Variants in RASSF5 observed in about 807,000 individuals in gnomAD.
The protein encoded by RASSF5 is ras association domain-containing protein 5.
In RASSF5, 25 loss-of-function variants were observed where a neutral mutation model predicts 40.5. The ratio of observed to expected loss-of-function variants is 0.62; its 90% confidence interval spans 0.45 to 0.86. The LOEUF is 0.86. Among genes scored for constraint, RASSF5 ranks in the 40% least tolerant of loss-of-function variants. RASSF5 has a pLI of 0.00. For synonymous variants in RASSF5, 246 were observed against 252.4 expected (o/e 0.97, Z 0.24); for missense variants, 521 against 572.8 (o/e 0.91, Z 0.92).
chr1:206,528,667 G>T (rs1428102722), intron 1 of RASSF5, among the ~76,000 whole-genome samples: 6 of 152,046 alleles, frequency 3.9e-5, no homozygotes, highest in African/African-American at 9.7e-5. Context: ...TAGGGGCAGG[G>T]GGTATAAAGG....
intron 1 of RASSF5, among the ~76,000 whole-genome samples, chr1:206,516,952 C>T (rs958355623): frequency 1.7e-4 from 26 of 152,106 alleles, no homozygotes; most frequent in Non-Finnish European, 2.4e-4. Flanking sequence ...ATTTCAGGAC[C>T]CGGACTTGCT....
At chr1:206,548,360 G>T (rs1009399092) in intron 2 of RASSF5, among the ~76,000 whole-genome samples, 5 of 152,162 alleles carry the variant, frequency 3.3e-5, no homozygotes, top group Non-Finnish European at 7.4e-5. Context: ...GGGAGAGCAG[G>T]CATGTCACAT....
chr1:206,577,031 G>C (rs1007448528), intron 2 of RASSF5, among the ~76,000 whole-genome samples: 3 of 149,900 alleles, frequency 2.0e-5, no homozygotes, highest in Non-Finnish European at 3.0e-5. Flanking sequence ...GACTGGTCTC[G>C]AACTCCTGGG....
At chr1:206,516,063 A>AT (rs1165850236) in intron 1 of RASSF5, among the ~76,000 whole-genome samples, 3 of 152,178 alleles carry the variant, frequency 2.0e-5, no homozygotes, top group Non-Finnish European at 2.9e-5. Context: ...TAGGGTGATA[A>AT]TATATTGTAC....
In RASSF5 at chr1:206,562,082, C is replaced by A. The variant is rs781251549; in HGVS notation, c.580-21187C>A. Among the ~76,000 whole-genome samples, 40 of 152,288 alleles carry A rather than the reference C, an allele frequency of 2.6e-4. 1 individual carries two copies. In the South Asian group the frequency reaches 3.1e-3, roughly 12 times the overall value. ...GAATTCTTTTTCTTCAAGGAAGATG[C>A]AAGAGGAAGAGGGTCCTGGAGGTCA... On this transcript the variant is annotated intron_variant, in intron 2 of 5. Coordinates refer to ENST00000579436, the MANE Select transcript of RASSF5 (RefSeq NM_182663.4).
rs781797923 is a variant in RASSF5, at chr1:206,585,176, G to T, written c.989-4G>T. On this transcript the variant is annotated splice_polypyrimidine_tract_variant and splice_region_variant and intron_variant, in intron 4 of 5. Transcript: ENST00000579436. ...AGCTCCCAGCACCCTCTCTTGGTTT[G>T]CAGTGCTCTTCCAGAAACTCTCCAT... 2.5e-6 allele frequency: 4 copies of T among 1,610,978 alleles called. No homozygotes were observed. In the Admixed American group the frequency reaches 6.7e-5, roughly 27 times the overall value.
chr1:206,508,103 C>G, intron 1 of RASSF5, 44 bp downstream of exon 1: 1 of 1,313,190 alleles, frequency 7.6e-7, no homozygotes, highest in Non-Finnish European at 9.8e-7. Context: ...AGACCGCAGT[C>G]TGGGGGCGAA....
rs1553398599 is a variant in RASSF5 at position 206,535,788 on chromosome 1, G to A, written c.458-2384G>A. On this transcript the variant is annotated intron_variant, in intron 1 of 5. Coordinates refer to ENST00000579436, the MANE Select transcript of RASSF5 (RefSeq NM_182663.4). This position sits in a 1 kb window ranked among gnomAD's most constrained non-coding sequence, Gnocchi z 5.0. ...GGAAATTGAGAGATTCAGATGCACA[G>A]GTGGACATAGACTGCCTGTGCCAAC... is the stretch of plus-strand genomic sequence containing the variant. 1.3e-5 allele frequency among the ~76,000 whole-genome samples: 2 copies of A among 151,772 alleles called. No individual in the cohort carries two copies.
intron 2 of RASSF5, among the ~76,000 whole-genome samples, chr1:206,548,917 G>A (rs1026611256): frequency 3.9e-5 from 6 of 152,084 alleles, no homozygotes; most frequent in African/African-American, 1.4e-4. Context: ...CCGGGCTGGA[G>A]TGCAATGGCG....
intron 2 of RASSF5, among the ~76,000 whole-genome samples, chr1:206,562,440 A>G (rs1464592084): frequency 1.3e-5 from 2 of 152,246 alleles, no homozygotes; most frequent in African/African-American, 4.8e-5. Flanking sequence ...TCAAAGGCTT[A>G]CATGGCCCAA....
At chr1:206,541,921 A>G (rs1295388918) in intron 2 of RASSF5, 4 of 152,242 alleles carry the variant, frequency 2.6e-5, no homozygotes, top group Non-Finnish European at 5.9e-5. Flanking sequence ...GCTGGCCCCA[A>G]GAGAAGAAGT....
intron 2 of RASSF5, among the ~76,000 whole-genome samples, chr1:206,566,461 T>G (rs1668291732): frequency 6.6e-6 from 1 of 152,148 alleles, no homozygotes; most frequent in African/African-American, 2.4e-5. Flanking sequence ...ATTATCCTCC[T>G]CATCTCCAGG....
chr1:206,509,856 A>G (rs1666570741), intron 1 of RASSF5, among the ~76,000 whole-genome samples: 1 of 152,114 alleles, frequency 6.6e-6, no homozygotes, highest in South Asian at 2.1e-4. Context: ...TGATTAAGTC[A>G]TACGTCGTTT....
At chr1:206,551,625 A>G (rs1270775710) in intron 2 of RASSF5, among the ~76,000 whole-genome samples, 2 of 152,230 alleles carry the variant, frequency 1.3e-5, no homozygotes, top group African/African-American at 4.8e-5. Context: ...ATGCTTCCCA[A>G]AAAGGAGGCA....
chr1:206,526,922 T>C (rs1333378711), intron 1 of RASSF5, among the ~76,000 whole-genome samples: 1 of 152,180 alleles, frequency 6.6e-6, no homozygotes, highest in Admixed American at 6.5e-5. Context: ...CCAGGTGCCG[T>C]TGGATGCTTT....
intron 2 of RASSF5, among the ~76,000 whole-genome samples, chr1:206,546,064 T>G (rs1667677264): frequency 6.7e-6 from 1 of 149,692 alleles, no homozygotes; most frequent in African/African-American, 2.5e-5. Flanking sequence ...CTTACTACTT[T>G]TTTTCTTTTC....
chr1:206,534,224 C>T (rs1298827168), intron 1 of RASSF5, among the ~76,000 whole-genome samples: 3 of 152,244 alleles, frequency 2.0e-5, no homozygotes, highest in East Asian at 3.9e-4. Context: ...TGGTTTGTCT[C>T]CTTCATTTCC....
At chr1:206,572,769 A>G (rs1173508959) in intron 2 of RASSF5, 2 of 152,228 alleles carry the variant, frequency 1.3e-5, no homozygotes, top group Non-Finnish European at 1.5e-5. Context: ...ATATTGATGT[A>G]TTTGTCTTTA....
Position 206,587,383 on chromosome 1 carries a change from C to A in RASSF5, c.*405C>A. On this transcript the variant is annotated 3_prime_UTR_variant, in exon 6 of 6. Transcript: ENST00000579436. Reference sequence around the variant, plus strand: ...ATTCCTCTTTGAGTTCTCTTACTTGCCACGTACAGGACCATTATTTATGAG... The same window carrying A: ...ATTCCTCTTTGAGTTCTCTTACTTGACACGTACAGGACCATTATTTATGAG... 3.2e-6 allele frequency: 1 copy of A among 314,790 alleles called. No individual in the cohort carries two copies. 19.5% of individuals were successfully genotyped at this position (314,790 alleles called of 1,614,324 possible).
Sources: gnomAD v4.1 joint callset for allele counts (sites outside exome capture counted in the v4.1 genomes callset) on GRCh38, gnomAD v4.1.1 for gene constraint, Gnocchi (gnomAD v3.1) non-coding constraint, MANE v1.5 for transcripts, NCBI Gene and HGNC (gene_info 2026-07-23, HGNC 2026-07-21) for gene names.